The following GOLGA3 variants were observed in gnomAD, a reference collection of about 807,000 sequenced individuals.
GOLGA3 encodes the protein golgin subfamily A member 3.
In GOLGA3, 75 loss-of-function variants were observed where a neutral mutation model predicts 169.4. The ratio of observed to expected loss-of-function variants is 0.44; its 90% CI spans 0.37 to 0.54. The LOEUF is 0.54. Ranked by LOEUF, GOLGA3 falls within the 20% of genes least tolerant of loss-of-function variation. GOLGA3 has a pLI of 0.00. For synonymous variants in GOLGA3, 824 were observed against 822.4 expected, an observed-to-expected ratio of 1.00 and a Z score of -0.03; for missense variants, 1,899 against 1,930.0, an observed-to-expected ratio of 0.98 and a Z score of 0.30.
intron 16 of GOLGA3, chr12:132,783,764 G>C (rs1411911046): frequency 6.6e-6 from 3 of 452,464 alleles, no homozygotes; most frequent in Non-Finnish European, 1.1e-5. Context: ...TTTTAGTAGA[G>C]ATGGGGTTTC....
At chr12:132,799,972 C>G (rs1949051901) in intron 8 of GOLGA3, among the ~76,000 whole-genome samples, 1 of 152,136 alleles carries the variant, frequency 6.6e-6, no homozygotes, top group South Asian at 2.1e-4. Context: ...AACTCCTGGC[C>G]TCAAGTGATC....
At chr12:132,780,971 G>C (rs1184579388) in intron 17 of GOLGA3, 57 bp from the exon 18 acceptor site, 1 of 1,319,564 alleles carries the variant, frequency 7.6e-7, no homozygotes, top group Non-Finnish European at 1.1e-6. Context: ...AAACACACAA[G>C]GCTGCTACAG....
At chr12:132,789,378 T>G in intron 12 of GOLGA3, 88 bp from the exon 13 acceptor site, 1 of 1,169,742 alleles carries the variant, frequency 8.5e-7, no homozygotes, top group Non-Finnish European at 1.2e-6. Flanking sequence ...ACAAAAATGT[T>G]TACCACTTAT....
In GOLGA3 at chr12:132,801,908, C is replaced by T; in HGVS notation, c.1659G>A (p.Glu553=). The T allele has an allele frequency of 6.2e-7, 1 of 1,602,516 alleles. No homozygotes were observed. Among genetic ancestry groups the T allele is most frequent in the Non-Finnish European group, 8.5e-7 (1 of 1,179,910 alleles). ...LQSQLQQVQL[E]RTTLTSKLKA... ...TCAGCTTGCTGGTCAGCGTCGTCCG[C>T]TCCAGCTGCACCTGCTGAAGCTGGC... Residue 553 remains glutamate, a synonymous_variant, in exon 8 of 24, where the codon GAG becomes GAA. Transcript: ENST00000450791.
chr12:132,799,045 G>C (rs1011672115), intron 8 of GOLGA3, among the ~76,000 whole-genome samples: 17 of 152,232 alleles, frequency 1.1e-4, no homozygotes, highest in African/African-American at 4.1e-4. Context: ...GCACTGAAAA[G>C]GAGGTGTGAG....
At chr12:132,778,596 A>C (rs923422719) in intron 18 of GOLGA3, among the ~76,000 whole-genome samples, 1 of 151,650 alleles carries the variant, frequency 6.6e-6, no homozygotes, top group African/African-American at 2.4e-5. Context: ...TAAACAAATA[A>C]ATAAATAAAA....
rs768384288 is a variant in GOLGA3, at chr12:132,822,072, G to A, written c.57C>T (p.Gly19=). 10 of 1,606,766 alleles carry A rather than the reference G, an allele frequency of 6.2e-6. No individual in the cohort carries two copies. The highest frequency in any genetic ancestry group is 1.3e-5 in the African/African-American group (1 of 74,388). Residue 19 remains glycine (G), a synonymous_variant, in exon 2 of 24, where the codon GGC becomes GGT. Coordinates refer to ENST00000450791, the MANE Select transcript of GOLGA3 (RefSeq NM_001389683.1). The part of the protein sequence containing the change: ...DGLQEDRSHS[G]PSSLPEAPLK... Reference sequence around the variant, plus strand: ...GTGGGGCCTCGGGGAGAGACGAGGGGCCACTGTGGGATCTGTCCTCCTGGA... The same window carrying A: ...GTGGGGCCTCGGGGAGAGACGAGGGACCACTGTGGGATCTGTCCTCCTGGA...
At chr12:132,792,904 G>A (rs1395712006) in intron 11 of GOLGA3, among the ~76,000 whole-genome samples, 8 of 113,920 alleles carry the variant, frequency 7.0e-5, no homozygotes, top group East Asian at 2.9e-4. Context: ...ATCTGCACTC[G>A]GAGGGCCCCA....
At chr12:132,799,511 T>C (rs575816513) in intron 8 of GOLGA3, among the ~76,000 whole-genome samples, 1 of 152,272 alleles carries the variant, frequency 6.6e-6, no homozygotes, top group Admixed American at 6.5e-5. Flanking sequence ...TGTGATGGTG[T>C]TCACCTATGT....
intron 12 of GOLGA3, 119 bp from the exon 13 acceptor site, chr12:132,789,409 G>A: frequency 2.5e-6 from 2 of 795,092 alleles, no homozygotes; most frequent in Non-Finnish European, 3.9e-6. Flanking sequence ...ACTTTTTTGA[G>A]GTAAAGATAC....
chr12:132,801,761 C>T lies in GOLGA3; in HGVS notation c.1800+6G>A, dbSNP rs566624225. 12 of 1,610,968 alleles carry T rather than the reference C, an allele frequency of 7.4e-6. No homozygotes were observed. The East Asian group carries it at 2.5e-4, about 33-fold the overall frequency. ...ACCTGCCCTGGAAGGTAGATGTGGG[C>T]CGTACCTGGATGTGGGCCATCTCAC... On this transcript the variant is annotated splice_donor_region_variant and intron_variant, in intron 8 of 23. Coordinates refer to ENST00000450791, the MANE Select transcript of GOLGA3 (RefSeq NM_001389683.1).
chr12:132,789,585 G>A (rs1360037686), intron 12 of GOLGA3, among the ~76,000 whole-genome samples: 1 of 152,128 alleles, frequency 6.6e-6, no homozygotes, highest in African/African-American at 2.4e-5. Flanking sequence ...TCAGTTGCAC[G>A]GCTTTGCTTC....
At chr12:132,823,299 T>C (rs953311595) in intron 1 of GOLGA3, among the ~76,000 whole-genome samples, 1 of 152,266 alleles carries the variant, frequency 6.6e-6, no homozygotes, top group Non-Finnish European at 1.5e-5. Context: ...GTGATATTAT[T>C]AACTCATTTC....
intron 18 of GOLGA3, among the ~76,000 whole-genome samples, chr12:132,780,123 A>ACACCACAC (rs34708200): frequency 7.4e-6 from 1 of 135,964 alleles, no homozygotes; most frequent in African/African-American, 2.8e-5. Flanking sequence ...CCCCGCGTGC[A>ACACCACAC]CACACCCCAG....
In GOLGA3 at chr12:132,813,294, G is replaced by C; in HGVS notation, c.519+13C>G. On this transcript the variant is annotated intron_variant, in intron 4 of 23. Coordinates refer to ENST00000450791, the MANE Select transcript of GOLGA3 (RefSeq NM_001389683.1). ...AAGCTTTCCATGAGCTTGTTCGGGAGAGGGAGACTCACCCTCTCCTGCTGG... is the reference window on the plus strand; with the variant it reads ...AAGCTTTCCATGAGCTTGTTCGGGACAGGGAGACTCACCCTCTCCTGCTGG... 1 of 1,547,424 alleles carries C rather than the reference G, an allele frequency of 6.5e-7. No homozygotes were observed. Among genetic ancestry groups the C allele is most frequent in the South Asian group, 1.1e-5 (1 of 89,830 alleles).
In GOLGA3 at chr12:132,808,230, G is replaced by T. The variant is rs201001117; in HGVS notation, c.839C>A (p.Ala280Glu). The T allele has an allele frequency of 6.2e-7, 1 of 1,614,010 alleles. No individual in the cohort carries two copies. The highest frequency in any genetic ancestry group is 8.5e-7 in the Non-Finnish European group (1 of 1,179,980). The change falls in exon 5 of 24, where the codon GCG becomes GAG. Residue 280 changes from alanine (A) to glutamate (E), a missense_variant. Transcript: ENST00000450791. Reference sequence around the variant, plus strand: ...GCTGATCTCAGACACAACGGACGCCGCACTGCTTCTGTTCTGCTTCAGGGA... The same window carrying T: ...GCTGATCTCAGACACAACGGACGCCTCACTGCTTCTGTTCTGCTTCAGGGA... ...KGSLKQNRSSAASVVSEISLS... is the reference protein window; with the variant it reads ...KGSLKQNRSSEASVVSEISLS...
At position 132,824,413 on chromosome 12, in the gene GOLGA3, T is replaced by A. The variant is rs114711295; in HGVS notation, c.-183-2102A>T. On this transcript the variant is annotated intron_variant, in intron 1 of 23. Coordinates refer to ENST00000450791, the MANE Select transcript of GOLGA3 (RefSeq NM_001389683.1). ...AGTGTTGTTCAGAATATTAAAAGGTTACGTATGCTATTAGTGTAAAACTAG... is the reference window on the plus strand; with the variant it reads ...AGTGTTGTTCAGAATATTAAAAGGTAACGTATGCTATTAGTGTAAAACTAG... 5.2e-3 allele frequency among the ~76,000 whole-genome samples: 790 copies of A among 152,346 alleles called. 7 individuals carry two copies. The highest frequency in any genetic ancestry group is 0.018 in the African/African-American group (763 of 41,580).
intron 7 of GOLGA3, among the ~76,000 whole-genome samples, chr12:132,803,066 CAA>C (rs1261232587): frequency 1.2e-5 from 1 of 82,922 alleles, no homozygotes; most frequent in African/African-American, 4.1e-5. Flanking sequence ...AAAAACAAAA[CAA>C]AACAACAACA....
At chr12:132,786,668 C>T (rs1360396766) in intron 14 of GOLGA3, 25 bp downstream of exon 14, 1 of 1,567,062 alleles carries the variant, frequency 6.4e-7, no homozygotes, top group Non-Finnish European at 8.8e-7. Flanking sequence ...GCCCCCGCAC[C>T]TCCCCCGGGC....
Sources: gnomAD v4.1 joint callset for allele counts (sites outside exome capture counted in the v4.1 genomes callset) on GRCh38, gnomAD v4.1.1 for gene constraint, MANE v1.5 for transcripts, NCBI Gene and HGNC (gene_info 2026-07-23, HGNC 2026-07-21) for gene names.